The following CAST variants were observed in gnomAD, a reference collection of about 807,000 sequenced individuals.
CAST encodes MIR583 host.
A neutral mutation model predicts 119.6 loss-of-function variants in CAST; 76 were observed. The observed-to-expected ratio is 0.64, with a 90% CI of 0.53 to 0.77. CAST has a LOEUF of 0.77. CAST is among the 30% of genes least tolerant of loss of function. The pLI is 0.00. For missense variants in CAST, 953 were observed against 946.5 expected (o/e 1.01, Z -0.09); for synonymous variants, 319 against 331.6 (o/e 0.96, Z 0.41).
the CAST span, among the ~76,000 whole-genome samples, chr5:96,435,209 A>G: frequency 6.6e-6 from 1 of 152,220 alleles, no homozygotes; most frequent in Non-Finnish European, 1.5e-5. Context: ...ATTATTGTTC[A>G]AGTAAATCAG....
chr5:96,383,905 TGGGCAGGCTTGA>T, the CAST span, among the ~76,000 whole-genome samples: 1 of 152,068 alleles, frequency 6.6e-6, no homozygotes, highest in Admixed American at 6.5e-5. Context: ...GAAGAGTAAG[TGGGCAGGCTTGA>T]GAGATACTCA....
the CAST span, among the ~76,000 whole-genome samples, chr5:95,975,149 G>A: frequency 5.7e-4 from 87 of 152,350 alleles, no homozygotes; most frequent in African/African-American, 2.0e-3. Flanking sequence ...CCCTAAGTAT[G>A]AGAAAGTCAA....
At chr5:96,279,192 CCT>C in the CAST span, among the ~76,000 whole-genome samples, 1 of 152,156 alleles carries the variant, frequency 6.6e-6, no homozygotes. Flanking sequence ...GCTCCAGGAG[CCT>C]CTGTTTGCCA....
At chr5:96,017,144 A>AT in the CAST span, among the ~76,000 whole-genome samples, 1 of 152,074 alleles carries the variant, frequency 6.6e-6, no homozygotes, top group South Asian at 2.1e-4. Context: ...CCGGTTATCT[A>AT]TTTTAATCTG....
the CAST span, among the ~76,000 whole-genome samples, chr5:96,053,394 T>C: frequency 6.6e-6 from 1 of 152,222 alleles, no homozygotes; most frequent in Non-Finnish European, 1.5e-5. Context: ...GACACTCTTT[T>C]GGCACCTTAT....
intron 1 of CAST, among the ~76,000 whole-genome samples, chr5:96,626,059 C>T (rs956320875): frequency 1.3e-5 from 2 of 152,128 alleles, no homozygotes; most frequent in Non-Finnish European, 2.9e-5. Context: ...TCCCCTTTAT[C>T]CTCCACGGAC....
At chr5:96,456,202 C>T in the CAST span, among the ~76,000 whole-genome samples, 2 of 152,196 alleles carry the variant, frequency 1.3e-5, no homozygotes, top group African/African-American at 4.8e-5. Context: ...CCAATAGGAC[C>T]AGACGTTGAT....
At chr5:96,222,934 A>AAG in the CAST span, among the ~76,000 whole-genome samples, 1 of 152,310 alleles carries the variant, frequency 6.6e-6, no homozygotes, top group South Asian at 2.1e-4. Flanking sequence ...GCCATGAAAA[A>AAG]GAATGAAATC....
At chr5:96,170,605 G>A in the CAST span, among the ~76,000 whole-genome samples, 1 of 152,150 alleles carries the variant, frequency 6.6e-6, no homozygotes, top group African/African-American at 2.4e-5. Context: ...GGGTAACAAA[G>A]TGCATATTGA....
chr5:96,310,223 T>G, the CAST span, among the ~76,000 whole-genome samples: 1 of 152,234 alleles, frequency 6.6e-6, no homozygotes, highest in East Asian at 1.9e-4. Context: ...GTTAATGTAG[T>G]CTATCACATT....
the CAST span, among the ~76,000 whole-genome samples, chr5:96,457,866 G>T: frequency 1.3e-5 from 2 of 152,166 alleles, no homozygotes; most frequent in African/African-American, 2.4e-5. Flanking sequence ...CCTATTAGGG[G>T]TTTATGACTC....
chr5:96,309,375 T>C, the CAST span, among the ~76,000 whole-genome samples: 146 of 152,394 alleles, frequency 9.6e-4, no homozygotes, highest in Non-Finnish European at 1.4e-3. Flanking sequence ...CCAGTGGATC[T>C]TAGCTTGCTG....
At chr5:96,120,524 T>C in the CAST span, among the ~76,000 whole-genome samples, 1 of 151,726 alleles carries the variant, frequency 6.6e-6, no homozygotes, top group South Asian at 2.1e-4. Context: ...CTGTTGCATA[T>C]AATCAGAGAG....
intron 2 of CAST, among the ~76,000 whole-genome samples, chr5:96,682,533 T>C (rs771038667): frequency 1.2e-4 from 19 of 152,154 alleles, no homozygotes; most frequent in Admixed American, 5.9e-4. Flanking sequence ...TTCTGTATCA[T>C]TTTATGAGAT....
At chr5:96,297,562 C>T in the CAST span, among the ~76,000 whole-genome samples, 20 of 152,094 alleles carry the variant, frequency 1.3e-4, no homozygotes, top group East Asian at 1.4e-3. Flanking sequence ...TCTATCAACC[C>T]ATGGCACATT....
chr5:96,408,204 G>C, the CAST span: 629 of 1,577,586 alleles, frequency 4.0e-4, 4 homozygotes, highest in East Asian at 0.012. Context: ...AAGGTGATTA[G>C]AAGCTTTCTG....
At chr5:95,983,011 G>A in the CAST span, among the ~76,000 whole-genome samples, 1 of 152,116 alleles carries the variant, frequency 6.6e-6, no homozygotes, top group African/African-American at 2.4e-5. Flanking sequence ...TGTTCACTAA[G>A]ATGCCCCAAG....
chr5:96,319,310 A>G, the CAST span, among the ~76,000 whole-genome samples: 1 of 152,218 alleles, frequency 6.6e-6, no homozygotes, highest in East Asian at 1.9e-4. Context: ...TGGGGATCAC[A>G]TTTCAACATG....
intron 1 of CAST, among the ~76,000 whole-genome samples, chr5:96,625,939 C>T (rs111637371): frequency 6.8e-4 from 103 of 152,300 alleles, no homozygotes; most frequent in Non-Finnish European, 1.2e-3. Context: ...CCAGCTGAGA[C>T]GTCCAGAACT....
Sources: gnomAD v4.1 joint callset for allele counts (sites outside exome capture counted in the v4.1 genomes callset) on GRCh38, gnomAD v4.1.1 for gene constraint, MANE v1.5 for transcripts, NCBI Gene and HGNC (gene_info 2026-07-23, HGNC 2026-07-21) for gene names.